Variants in TTC28 observed in about 807,000 individuals in gnomAD.
The protein encoded by TTC28 is tetratricopeptide repeat protein 28.
Under a neutral mutation model 198.0 loss-of-function variants are expected in TTC28, and 61 were observed. The ratio of observed to expected loss-of-function variants is 0.31; its 90% CI spans 0.25 to 0.38. The LOEUF (loss-of-function observed/expected upper bound fraction) is 0.38. Among genes scored for constraint, TTC28 ranks in the 10% least tolerant of loss-of-function variants. The pLI, the probability that TTC28 is intolerant of heterozygous loss-of-function variation, is 1.00. For missense variants in TTC28, 2,678 were observed against 3,164.0 expected (o/e 0.85, Z 3.69); for synonymous variants, 1,171 against 1,297.8 (o/e 0.90, Z 2.10).
At chr22:28,050,096 C>T (rs373824921) in intron 12 of TTC28, among the ~76,000 whole-genome samples, 2 of 152,018 alleles carry the variant, frequency 1.3e-5, no homozygotes, top group South Asian at 2.1e-4. Flanking sequence ...TAGATCTTAT[C>T]TTTGTTAAAG....
chr22:28,298,858 C>G (rs572892338), intron 3 of TTC28, among the ~76,000 whole-genome samples: 11 of 152,166 alleles, frequency 7.2e-5, no homozygotes, highest in African/African-American at 2.2e-4. Context: ...TCACTGGTAA[C>G]CCAGTATCCA....
chr22:28,331,619 C>T (rs1480503196), intron 2 of TTC28, among the ~76,000 whole-genome samples: 2 of 152,026 alleles, frequency 1.3e-5, no homozygotes, highest in African/African-American at 4.8e-5. Context: ...CTTACTTGTA[C>T]ACCTCCTCTC....
intron 5 of TTC28, among the ~76,000 whole-genome samples, chr22:28,209,925 C>G (rs1243018635): frequency 6.6e-6 from 1 of 152,164 alleles, no homozygotes; most frequent in East Asian, 1.9e-4. Flanking sequence ...ACAGGTGCCC[C>G]TCTGAGACGA....
chr22:28,206,512 C>T (rs1047595264), intron 5 of TTC28, among the ~76,000 whole-genome samples: 10 of 152,262 alleles, frequency 6.6e-5, no homozygotes, highest in Non-Finnish European at 1.3e-4. Flanking sequence ...TAGTTTATCA[C>T]GTTGCTCAGA....
intron 12 of TTC28, among the ~76,000 whole-genome samples, chr22:28,093,843 T>C (rs2146856232): frequency 6.6e-6 from 1 of 152,340 alleles, no homozygotes; most frequent in Middle Eastern, 3.4e-3. Flanking sequence ...AGAATGGGCA[T>C]GTCTGATGAG....
intron 5 of TTC28, among the ~76,000 whole-genome samples, chr22:28,236,188 T>C (rs1569214256): frequency 6.6e-6 from 1 of 152,212 alleles, no homozygotes; most frequent in Non-Finnish European, 1.5e-5. Context: ...CTCAGGTTTT[T>C]CTGCCAGCTC....
chr22:28,186,608 G>A (rs1924228427), intron 5 of TTC28, among the ~76,000 whole-genome samples: 1 of 152,164 alleles, frequency 6.6e-6, no homozygotes, highest in South Asian at 2.1e-4. Flanking sequence ...TCAACTCCTA[G>A]AATGGCAGGG....
chr22:28,455,792 T>C (rs2047850815), intron 2 of TTC28, among the ~76,000 whole-genome samples: 1 of 152,164 alleles, frequency 6.6e-6, no homozygotes, highest in South Asian at 2.1e-4. Flanking sequence ...TATCTACACT[T>C]ACATCTCACC....
At chr22:28,498,403 G>A (rs948820974) in intron 2 of TTC28, among the ~76,000 whole-genome samples, 7 of 152,284 alleles carry the variant, frequency 4.6e-5, no homozygotes, top group Middle Eastern at 6.8e-3. Context: ...AGTCTAAAAT[G>A]TGTTCAAATG....
At chr22:28,259,015 G>A (rs1931142891) in intron 5 of TTC28, among the ~76,000 whole-genome samples, 1 of 152,006 alleles carries the variant, frequency 6.6e-6, no homozygotes, top group Non-Finnish European at 1.5e-5. Flanking sequence ...ATACAAAGGT[G>A]ACCTCTGAAG....
Position 28,586,825 on chromosome 22 carries a change from G to C in TTC28, c.381+42727C>G, listed in dbSNP as rs2050326539. 2.0e-5 allele frequency among the ~76,000 whole-genome samples: 3 copies of C among 152,016 alleles called. No homozygotes were observed. The East Asian group carries it at 5.8e-4, about 29-fold the overall frequency. Reference sequence around the variant, plus strand: ...TTTTTATATGAGATCAAAATTCTTTGGATATCTATACAATTTTCAGCTATT... The same window carrying C: ...TTTTTATATGAGATCAAAATTCTTTCGATATCTATACAATTTTCAGCTATT... On this transcript the variant is annotated intron_variant, in intron 2 of 22. Coordinates refer to ENST00000397906, the MANE Select transcript of TTC28 (RefSeq NM_001145418.2).
chr22:28,677,919 C>T (rs1049024369), intron 1 of TTC28, among the ~76,000 whole-genome samples: 2 of 150,574 alleles, frequency 1.3e-5, no homozygotes, highest in African/African-American at 4.9e-5. Flanking sequence ...GCCTGGAAGA[C>T]AGAGTGAGGC....
At chr22:28,365,810 CA>C (rs1209121029) in intron 2 of TTC28, among the ~76,000 whole-genome samples, 2 of 152,040 alleles carry the variant, frequency 1.3e-5, no homozygotes, top group African/African-American at 2.4e-5. Context: ...GTGAATGAAA[CA>C]ATATAGAAAT....
intron 2 of TTC28, among the ~76,000 whole-genome samples, chr22:28,542,711 A>G (rs2049442364): frequency 6.6e-6 from 1 of 152,180 alleles, no homozygotes; most frequent in Non-Finnish European, 1.5e-5. Flanking sequence ...CACGTAAGAG[A>G]TAACAGAAAA....
At chr22:28,530,163 A>G (rs1274953870) in intron 2 of TTC28, among the ~76,000 whole-genome samples, 1 of 152,172 alleles carries the variant, frequency 6.6e-6, no homozygotes, top group Non-Finnish European at 1.5e-5. Context: ...AAACCTTGAA[A>G]AAAGATTGGA....
At position 28,108,331 on chromosome 22, in the gene TTC28, T is replaced by C; in HGVS notation, c.1514A>G (p.Gln505Arg). The change falls in exon 7 of 23, where the codon CAG becomes CGG. Residue 505 changes from glutamine to arginine, a missense_variant. Gln to Arg is a conservative substitution (Grantham distance 43). Transcript: ENST00000397906. Reference sequence around the variant, plus strand: ...CTGGGCAGCATAATCACTCAGCTCCTGGGCAATGCACAGGTGGGTCTTGTG... The same window carrying C: ...CTGGGCAGCATAATCACTCAGCTCCCGGGCAATGCACAGGTGGGTCTTGTG... The part of the protein sequence containing the change: ...KLHKTHLCIA[Q>R]ELSDYAAQGR... 3 of 1,517,706 alleles carry C rather than the reference T, an allele frequency of 2.0e-6. No individual in the cohort carries two copies. Among genetic ancestry groups the C allele is most frequent in the Non-Finnish European group, 2.7e-6 (3 of 1,125,116 alleles). The allele number at this position is 1,517,706 out of a possible 1,614,324, so 94.0% of individuals were successfully genotyped here. A position where few individuals can be genotyped will look rare whatever the true frequency, so the allele number is the denominator to read the frequency against.
chr22:28,338,486 T>C (rs954914731), intron 2 of TTC28, among the ~76,000 whole-genome samples: 8 of 152,218 alleles, frequency 5.3e-5, no homozygotes, highest in African/African-American at 1.9e-4. Context: ...CAATCAGACG[T>C]AGATTTGGTC....
At chr22:28,531,586 C>A (rs1046724332) in intron 2 of TTC28, among the ~76,000 whole-genome samples, 7 of 152,158 alleles carry the variant, frequency 4.6e-5, no homozygotes, top group Non-Finnish European at 1.0e-4. Context: ...AACTCTCCAC[C>A]CCAAATCAAC....
At chr22:28,305,498 A>G (rs1192745717) in intron 3 of TTC28, among the ~76,000 whole-genome samples, 4 of 152,226 alleles carry the variant, frequency 2.6e-5, no homozygotes, top group Non-Finnish European at 5.9e-5. Flanking sequence ...ACATACTTTG[A>G]GCCAAGTATA....
Sources: allele counts gnomAD v4.1 joint callset (sites outside exome capture counted in the v4.1 genomes callset), GRCh38; gene constraint gnomAD v4.1.1; transcripts MANE v1.5; gene names NCBI Gene and HGNC (gene_info 2026-07-23, HGNC 2026-07-21).